The following CLASP1 variants were observed in gnomAD, a reference collection of about 807,000 sequenced individuals.
CLASP1 encodes cytoplasmic linker associated protein 1.
A neutral mutation model predicts 192.3 loss-of-function variants in CLASP1; 38 were observed. The ratio of observed to expected loss-of-function variants is 0.20; its 90% CI spans 0.15 to 0.26. The LOEUF (loss-of-function observed/expected upper bound fraction) is 0.26, where lower values mean the gene tolerates loss of function less well. Ranked by LOEUF, CLASP1 falls within the 10% of genes least tolerant of loss-of-function variation. The probability of loss-of-function intolerance (pLI) is 1.00; values close to 1 mark genes in which losing one functional copy is unlikely to be tolerated. For synonymous variants in CLASP1, 691 were observed against 712.8 expected, an observed-to-expected ratio of 0.97 and a Z score of 0.49; for missense variants, 1,433 against 1,932.5, an observed-to-expected ratio of 0.74 and a Z score of 4.85.
intron 9 of CLASP1, among the ~76,000 whole-genome samples, chr2:121,465,836 A>C (rs1366088295): frequency 6.6e-6 from 1 of 152,000 alleles, no homozygotes; most frequent in Non-Finnish European, 1.5e-5. Context: ...TAGATCAATG[A>C]AACAGAACAG....
chr2:121,576,988 T>C (rs2060579736), intron 2 of CLASP1, among the ~76,000 whole-genome samples: 1 of 152,178 alleles, frequency 6.6e-6, no homozygotes, highest in Admixed American at 6.5e-5. Flanking sequence ...GTAATTTTGT[T>C]AGGCGTGATA....
intron 7 of CLASP1, among the ~76,000 whole-genome samples, chr2:121,504,775 A>T (rs973400552): frequency 6.6e-6 from 1 of 152,172 alleles, no homozygotes; most frequent in African/African-American, 2.4e-5. Context: ...AGACACCAAC[A>T]ATCTTTTCAA....
chr2:121,375,367 T>TC (rs1222698119), intron 34 of CLASP1, among the ~76,000 whole-genome samples: 2 of 148,224 alleles, frequency 1.3e-5, no homozygotes, highest in Non-Finnish European at 3.0e-5. Flanking sequence ...TCTGATTTTT[T>TC]TTTTTTTTTT....
intron 2 of CLASP1, among the ~76,000 whole-genome samples, chr2:121,563,012 C>T (rs1488125375): frequency 1.3e-5 from 2 of 152,174 alleles, no homozygotes; most frequent in African/African-American, 2.4e-5. Flanking sequence ...TTGGCTGAGG[C>T]TCCTGGGGTT....
chr2:121,632,148 A>T (rs1576622448), intron 1 of CLASP1, among the ~76,000 whole-genome samples: 1 of 152,184 alleles, frequency 6.6e-6, no homozygotes, highest in Admixed American at 6.5e-5. Context: ...GAAGGCTGAG[A>T]TGGGAGGATG....
chr2:121,547,797 C>A (rs2057616782), intron 2 of CLASP1, among the ~76,000 whole-genome samples: 1 of 152,134 alleles, frequency 6.6e-6, no homozygotes, highest in Non-Finnish European at 1.5e-5. Flanking sequence ...TACCAGATCA[C>A]AACCCAAAGC....
intron 6 of CLASP1, among the ~76,000 whole-genome samples, chr2:121,523,254 T>G (rs969161495): frequency 3.3e-5 from 5 of 152,248 alleles, no homozygotes; most frequent in African/African-American, 1.2e-4. Context: ...AGACTCGACA[T>G]TATCTTAAAC....
At chr2:121,461,659 C>T (rs1192743241) in intron 10 of CLASP1, among the ~76,000 whole-genome samples, 1 of 152,122 alleles carries the variant, frequency 6.6e-6, no homozygotes, top group Non-Finnish European at 1.5e-5. Context: ...AGGTCAAGTA[C>T]TTAAGGATGA....
intron 1 of CLASP1, among the ~76,000 whole-genome samples, chr2:121,638,721 GC>G (rs1289165105): frequency 1.3e-5 from 2 of 150,900 alleles, no homozygotes; most frequent in African/African-American, 4.9e-5. Flanking sequence ...AGGCTGGAGT[GC>G]AGTGGCATGA....
chr2:121,582,346 G>GGA (rs752511689), intron 2 of CLASP1, among the ~76,000 whole-genome samples: 166 of 143,958 alleles, frequency 1.2e-3, no homozygotes, highest in African/African-American at 4.0e-3. Context: ...AGAAAGAGGA[G>GGA]GAGAGAGAGA....
At chr2:121,585,676 G>T (rs2061639214) in intron 2 of CLASP1, among the ~76,000 whole-genome samples, 1 of 152,152 alleles carries the variant, frequency 6.6e-6, no homozygotes, top group South Asian at 2.1e-4. Flanking sequence ...GAAGCGGGCA[G>T]ATCACGAGGT....
intron 6 of CLASP1, among the ~76,000 whole-genome samples, chr2:121,517,624 G>T (rs1311300706): frequency 1.3e-5 from 2 of 152,088 alleles, no homozygotes; most frequent in Admixed American, 1.3e-4. Context: ...GGAGGCCAAG[G>T]TAGGAGGACA....
At chr2:121,398,815 T>C (rs747440225) in intron 28 of CLASP1, among the ~76,000 whole-genome samples, 9 of 152,224 alleles carry the variant, frequency 5.9e-5, no homozygotes, top group Non-Finnish European at 1.0e-4. Flanking sequence ...CTGCTTAAAC[T>C]AACCGTATCA....
At chr2:121,581,953 C>A (rs1363151643) in intron 2 of CLASP1, among the ~76,000 whole-genome samples, 8 of 152,002 alleles carry the variant, frequency 5.3e-5, no homozygotes, top group Admixed American at 1.3e-4. Flanking sequence ...GAGGCCCAGG[C>A]GGGCGGATCA....
intron 14 of CLASP1, among the ~76,000 whole-genome samples, chr2:121,453,097 G>C (rs1463806400): frequency 6.6e-6 from 1 of 152,106 alleles, no homozygotes; most frequent in African/African-American, 2.4e-5. Context: ...GACCAGCCTA[G>C]GCAACAAAGC....
chr2:121,400,563 A>T (rs2076015011), intron 28 of CLASP1, among the ~76,000 whole-genome samples: 1 of 152,212 alleles, frequency 6.6e-6, no homozygotes, highest in East Asian at 1.9e-4. Flanking sequence ...CACCCACAAG[A>T]TAGCCTGCAA....
chr2:121,403,606 T>C (rs796301464), intron 26 of CLASP1, among the ~76,000 whole-genome samples: 1 of 152,308 alleles, frequency 6.6e-6, no homozygotes, highest in African/African-American at 2.4e-5. Context: ...ACACCTTACC[T>C]TCTTCCTCTA....
At chr2:121,451,099 CTGT>C in intron 15 of CLASP1, 109 bp from the exon 16 acceptor site, 1 of 781,488 alleles carries the variant, frequency 1.3e-6, no homozygotes, top group Non-Finnish European at 2.2e-6. Flanking sequence ...CTGGGAGCCT[CTGT>C]GCCAAGGCTG....
At chr2:121,346,042 G>A (rs2063410437) in intron 39 of CLASP1, among the ~76,000 whole-genome samples, 1 of 152,238 alleles carries the variant, frequency 6.6e-6, no homozygotes, top group African/African-American at 2.4e-5. Context: ...CAAGGCTCTG[G>A]CTGTTAATGC....
Sources: allele counts gnomAD v4.1 joint callset (sites outside exome capture counted in the v4.1 genomes callset), GRCh38; gene constraint gnomAD v4.1.1; transcripts MANE v1.5; gene names NCBI Gene and HGNC (gene_info 2026-07-23, HGNC 2026-07-21).